Variants in NKAIN3 observed in about 807,000 individuals in gnomAD.
NKAIN3 encodes the protein sodium/potassium transporting ATPase interacting 3.
In NKAIN3, 25 loss-of-function variants were observed where a neutral mutation model predicts 30.2. The ratio of observed to expected loss-of-function variants is 0.83; its 90% CI spans 0.60 to 1.16. The LOEUF (loss-of-function observed/expected upper bound fraction) is 1.16. Ranked by LOEUF, NKAIN3 falls within the 50% of genes most tolerant of loss-of-function variation. The pLI is 0.00. For synonymous variants in NKAIN3, 91 were observed against 89.6 expected, an observed-to-expected ratio of 1.02 and a Z score of -0.09; for missense variants, 225 against 254.1, an observed-to-expected ratio of 0.89 and a Z score of 0.78.
intron 1 of NKAIN3, among the ~76,000 whole-genome samples, chr8:62,426,535 GT>G (rs1414682952): frequency 6.6e-6 from 1 of 151,934 alleles, no homozygotes; most frequent in Non-Finnish European, 1.5e-5. Context: ...CTGTGGGGAT[GT>G]TACCCTTTGA....
At chr8:62,693,186 G>T (rs1814036637) in intron 3 of NKAIN3, among the ~76,000 whole-genome samples, 1 of 152,190 alleles carries the variant, frequency 6.6e-6, no homozygotes. Flanking sequence ...GAAGGACAGA[G>T]ATAATTTGCC....
At chr8:62,551,408 G>T (rs151139133) in intron 1 of NKAIN3, among the ~76,000 whole-genome samples, 1 of 152,178 alleles carries the variant, frequency 6.6e-6, no homozygotes. Context: ...AATTGAACAT[G>T]ATGAGGAGGG....
intron 1 of NKAIN3, among the ~76,000 whole-genome samples, chr8:62,390,324 G>T (rs560093888): frequency 1.6e-4 from 24 of 152,210 alleles, no homozygotes; most frequent in Non-Finnish European, 2.4e-4. Context: ...GCATTAATTT[G>T]CTAAGGATAA....
chr8:62,741,391 G>GAAGA (rs1815873987), intron 3 of NKAIN3, among the ~76,000 whole-genome samples: 1 of 149,408 alleles, frequency 6.7e-6, no homozygotes, highest in Admixed American at 6.6e-5. Context: ...AGGAAGGAAG[G>GAAGA]AAGGAAGGAA....
intron 4 of NKAIN3, among the ~76,000 whole-genome samples, chr8:62,847,149 CACACGCA>C (rs1213504180): frequency 6.6e-6 from 1 of 152,122 alleles, no homozygotes; most frequent in African/African-American, 2.4e-5. Flanking sequence ...AATGAACACA[CACACGCA>C]TGTATCTTTA....
chr8:62,957,958 A>G (rs1396594301), intron 6 of NKAIN3, among the ~76,000 whole-genome samples: 5 of 152,222 alleles, frequency 3.3e-5, no homozygotes, highest in African/African-American at 1.2e-4. Context: ...GGGCAGGAAC[A>G]GGGGCAGGGA....
Position 62,249,128 on chromosome 8 carries a change from G to A in NKAIN3, c.54+1G>A. Reference sequence around the variant, plus strand: ...CATCTGCCTCTGCGCGCTGCAGTTGGTGAGTGCCCCGAGGGCCCCTGCCCC... The same window carrying A: ...CATCTGCCTCTGCGCGCTGCAGTTGATGAGTGCCCCGAGGGCCCCTGCCCC... On this transcript the variant is annotated splice_donor_variant, in intron 1 of 6. Transcript: ENST00000623646. LOFTEE classifies it high-confidence loss of function. 1 of 1,536,038 alleles carries A rather than the reference G, an allele frequency of 6.5e-7. No homozygotes were observed. Among genetic ancestry groups the A allele is most frequent in the Non-Finnish European group, 8.7e-7 (1 of 1,143,152 alleles).
intron 1 of NKAIN3, among the ~76,000 whole-genome samples, chr8:62,492,313 G>A (rs900172581): frequency 3.3e-5 from 5 of 152,058 alleles, no homozygotes; most frequent in Non-Finnish European, 7.4e-5. Context: ...GGAACACTTG[G>A]TCTTGGTAGT....
rs1823836624 is a variant in NKAIN3 at position 62,971,634 on chromosome 8, A to G, written c.*6227A>G. Among the ~76,000 whole-genome samples, 1 of 125,964 alleles carries G rather than the reference A, an allele frequency of 7.9e-6. No homozygotes were observed. 82.6% of individuals were successfully genotyped at this position (125,964 alleles called of 152,430 possible). ...GGAGATGGAGCCAAACCTTGTCTCAAAAAAAAAGCGGGGGGGGCTTCATTT... is the reference window on the plus strand; with the variant it reads ...GGAGATGGAGCCAAACCTTGTCTCAGAAAAAAAGCGGGGGGGGCTTCATTT... On this transcript the variant is annotated 3_prime_UTR_variant, in exon 7 of 7. Transcript: ENST00000623646.
At chr8:62,784,831 C>G (rs1377983387) in intron 4 of NKAIN3, among the ~76,000 whole-genome samples, 1 of 152,050 alleles carries the variant, frequency 6.6e-6, no homozygotes, top group Non-Finnish European at 1.5e-5. Flanking sequence ...ATATATGAAT[C>G]TTTTTTCAGA....
intron 1 of NKAIN3, among the ~76,000 whole-genome samples, chr8:62,395,999 C>G (rs548630230): frequency 4.6e-5 from 7 of 152,094 alleles, no homozygotes; most frequent in African/African-American, 1.7e-4. Context: ...TATGAGCTAC[C>G]AGAATTATAG....
At chr8:62,496,060 G>C (rs543721394) in intron 1 of NKAIN3, among the ~76,000 whole-genome samples, 2 of 152,236 alleles carry the variant, frequency 1.3e-5, no homozygotes, top group South Asian at 4.1e-4. Flanking sequence ...GTTGTAATTT[G>C]TGGTTAGATA....
intron 1 of NKAIN3, among the ~76,000 whole-genome samples, chr8:62,371,030 T>C (rs1166591208): frequency 6.6e-6 from 1 of 151,982 alleles, no homozygotes; most frequent in East Asian, 1.9e-4. Flanking sequence ...TCGTGAGTCA[T>C]AGAGTAACTT....
At chr8:62,412,121 G>T (rs977519409) in intron 1 of NKAIN3, among the ~76,000 whole-genome samples, 2 of 152,078 alleles carry the variant, frequency 1.3e-5, no homozygotes, top group African/African-American at 2.4e-5. Context: ...GCAATACTGA[G>T]CATAAAGAAC....
chr8:62,325,689 G>T (rs1563934482), intron 1 of NKAIN3, among the ~76,000 whole-genome samples: 2 of 152,000 alleles, frequency 1.3e-5, no homozygotes, highest in Non-Finnish European at 1.5e-5. Flanking sequence ...CAGGAATAAG[G>T]TGGTATCTTA....
At chr8:62,723,206 A>G (rs916152230) in intron 3 of NKAIN3, among the ~76,000 whole-genome samples, 1 of 152,184 alleles carries the variant, frequency 6.6e-6, no homozygotes, top group Non-Finnish European at 1.5e-5. Flanking sequence ...ATCCTATCAC[A>G]TTAAAACAAC....
intron 1 of NKAIN3, among the ~76,000 whole-genome samples, chr8:62,547,212 T>C (rs1275604728): frequency 2.0e-5 from 3 of 152,174 alleles, no homozygotes; most frequent in African/African-American, 7.2e-5. Flanking sequence ...GCCTGGATTT[T>C]CTTACATTAG....
At chr8:62,879,323 T>C (rs1367243855) in intron 4 of NKAIN3, among the ~76,000 whole-genome samples, 1 of 152,218 alleles carries the variant, frequency 6.6e-6, no homozygotes, top group East Asian at 1.9e-4. Context: ...TTGAGAAGTG[T>C]CTGTTCATAT....
intron 1 of NKAIN3, among the ~76,000 whole-genome samples, chr8:62,364,631 A>G (rs1245475642): frequency 6.6e-6 from 1 of 151,936 alleles, no homozygotes; most frequent in East Asian, 1.9e-4. Flanking sequence ...TCACAAGGTC[A>G]GGAGACCGAC....
Sources: allele counts gnomAD v4.1 joint callset (sites outside exome capture counted in the v4.1 genomes callset), GRCh38; gene constraint gnomAD v4.1.1; transcripts MANE v1.5; gene names NCBI Gene and HGNC (gene_info 2026-07-23, HGNC 2026-07-21).